NOL4L: variants seen among roughly 807,000 people sequenced by gnomAD.
NOL4L encodes the protein nucleolar protein 4 like.
A neutral mutation model predicts 64.5 loss-of-function variants in NOL4L; 7 were observed. The observed-to-expected ratio is 0.11, with a 90% confidence interval of 0.06 to 0.20. NOL4L has a LOEUF of 0.20. Ranked by LOEUF, NOL4L falls within the 10% of genes least tolerant of loss-of-function variation. The pLI is 1.00. For missense variants in NOL4L, 680 were observed against 967.1 expected, an observed-to-expected ratio of 0.70 and a Z score of 3.94; for synonymous variants, 413 against 401.0, an observed-to-expected ratio of 1.03 and a Z score of -0.36.
At chr20:32,580,322 C>G (rs1980388822) in intron 1 of NOL4L, among the ~76,000 whole-genome samples, 1 of 152,178 alleles carries the variant, frequency 6.6e-6, no homozygotes, top group African/African-American at 2.4e-5. Flanking sequence ...AGCCGCTATA[C>G]TGATAATTCA....
intron 4 of NOL4L, among the ~76,000 whole-genome samples, chr20:32,504,496 C>T (rs1389753197): frequency 6.7e-6 from 1 of 150,278 alleles, no homozygotes; most frequent in Non-Finnish European, 1.5e-5. Context: ...GGAGATGGAG[C>T]TTGCAGTGAG....
chr20:32,481,964 C>CGGGG (rs61641396), intron 4 of NOL4L, among the ~76,000 whole-genome samples: 4 of 27,954 alleles, frequency 1.4e-4, no homozygotes, highest in South Asian at 1.3e-3. Context: ...TGGGGCGGGG[C>CGGGG]GGGGGGGGGG....
intron 4 of NOL4L, among the ~76,000 whole-genome samples, chr20:32,496,458 A>G (rs116015499): frequency 0.021 from 3,166 of 152,098 alleles, 38 homozygotes; most frequent in African/African-American, 0.035. Flanking sequence ...TATCTGTCTC[A>G]TTCACTGTGG....
At chr20:32,564,126 C>T (rs998237147) in intron 1 of NOL4L, among the ~76,000 whole-genome samples, 29 of 152,224 alleles carry the variant, frequency 1.9e-4, no homozygotes, top group Non-Finnish European at 8.8e-5. Flanking sequence ...CGGCGGGCCC[C>T]AGGATGTCTG....
intron 1 of NOL4L, among the ~76,000 whole-genome samples, chr20:32,579,215 C>T (rs758207649): frequency 2.0e-5 from 3 of 152,204 alleles, no homozygotes; most frequent in Non-Finnish European, 4.4e-5. Flanking sequence ...CCGACAAACA[C>T]GCAGAGGAGC....
intron 4 of NOL4L, 167 bp downstream of exon 4, chr20:32,511,180 T>A: frequency 1.8e-6 from 1 of 545,224 alleles, no homozygotes; most frequent in East Asian, 3.0e-5. Context: ...GAGAAACACA[T>A]TCTTGCCTCC....
At chr20:32,481,439 G>A (rs1011985404) in intron 4 of NOL4L, among the ~76,000 whole-genome samples, 1 of 152,190 alleles carries the variant, frequency 6.6e-6, no homozygotes. Flanking sequence ...AGACAACACA[G>A]AAAAAGTTCT....
At chr20:32,567,561 C>G (rs1359231115) in intron 1 of NOL4L, among the ~76,000 whole-genome samples, 1 of 152,198 alleles carries the variant, frequency 6.6e-6, no homozygotes, top group Non-Finnish European at 1.5e-5. Context: ...TGTGCTGAGT[C>G]CCCCACAGAG....
Position 32,445,738 on chromosome 20 carries a change from G to T in NOL4L, c.*1858C>A. 6.5e-6 allele frequency: 1 copy of T among 153,046 alleles called. No homozygotes were observed. Among genetic ancestry groups the T allele is most frequent in the Non-Finnish European group, 1.5e-5 (1 of 68,662 alleles). 9.5% of individuals were successfully genotyped at this position (153,046 alleles called of 1,614,324 possible). A position where few individuals can be genotyped will look rare whatever the true frequency, so the allele number is the denominator to read the frequency against. On this transcript the variant is annotated 3_prime_UTR_variant, in exon 11 of 11. Transcript: ENST00000621426. ...GATGGAAGGCAGAGGTGGTGTGGCT[G>T]GATGGGGTATTGGAGGCCACTTGAG...
rs563080548 is a variant in NOL4L, at chr20:32,537,074, G to A, written c.322-9161C>T. On this transcript the variant is annotated intron_variant, in intron 1 of 10. Coordinates refer to ENST00000621426, the MANE Select transcript of NOL4L (RefSeq NM_001256798.2). The stretch of plus-strand genomic sequence containing the variant: ...CTGCCCTGCCCCGCCCCCCCGGGAC[G>A]CTGCCCACCTGTCCTTTGTGCAGGG... 3.7e-5 allele frequency: 36 copies of A among 984,726 alleles called. No homozygotes were observed. In the South Asian group the frequency reaches 1.6e-3, roughly 44 times the overall value. 61.0% of individuals were successfully genotyped at this position (984,726 alleles called of 1,614,324 possible).
At chr20:32,517,736 G>T (rs575884746) in intron 3 of NOL4L, among the ~76,000 whole-genome samples, 4 of 152,226 alleles carry the variant, frequency 2.6e-5, no homozygotes, top group Non-Finnish European at 5.9e-5. Flanking sequence ...TCTGGGCACC[G>T]TAGGCCACGA....
chr20:32,555,170 T>A (rs1476335556), intron 1 of NOL4L, among the ~76,000 whole-genome samples: 2 of 152,148 alleles, frequency 1.3e-5, no homozygotes, highest in Non-Finnish European at 2.9e-5. Flanking sequence ...TTTCCTGGTG[T>A]TACGTTAACT....
chr20:32,534,226 CCA>C (rs1229123670), intron 1 of NOL4L, among the ~76,000 whole-genome samples: 1 of 152,182 alleles, frequency 6.6e-6, no homozygotes, highest in African/African-American at 2.4e-5. Context: ...GAAGAAAAAA[CCA>C]CAGAGAAAGG....
At chr20:32,581,057 TC>T (rs1980439822) in intron 1 of NOL4L, among the ~76,000 whole-genome samples, 1 of 152,104 alleles carries the variant, frequency 6.6e-6, no homozygotes, top group South Asian at 2.1e-4. Context: ...AAATAATAAA[TC>T]CTCACCAGGC....
Position 32,527,870 on chromosome 20 carries a change from C to T in NOL4L, c.365G>A (p.Arg122Gln), listed in dbSNP as rs911229706. 14 of 1,550,596 alleles carry T rather than the reference C, an allele frequency of 9.0e-6. No homozygotes were observed. Among genetic ancestry groups the T allele is most frequent in the East Asian group, 2.4e-5 (1 of 40,912 alleles). The change falls in exon 2 of 11, where the codon CGG (arginine) becomes CAG (glutamine). Residue 122 changes from arginine to glutamine, a missense_variant. Physicochemically the swap from Arg to Gln is conservative, Grantham distance 43. Transcript: ENST00000621426. ...AAAGAAATCTTCCACCACAGCGACC[C>T]GCTTCAGAGAGATGCCCTCTGGCTC... ...LSEPEGISLK[R>Q]VAVVEDFFDI... is the part of the protein sequence containing the mutation.
At chr20:32,472,383 T>TG (rs1455347709) in intron 5 of NOL4L, among the ~76,000 whole-genome samples, 1 of 152,122 alleles carries the variant, frequency 6.6e-6, no homozygotes, top group African/African-American at 2.4e-5. Flanking sequence ...TCAGTGGGGT[T>TG]GGGGGGCTTC....
In NOL4L at chr20:32,465,314, G is replaced by A. The variant is rs187432731; in HGVS notation, c.842-8919C>T. On this transcript the variant is annotated intron_variant, in intron 5 of 10. Transcript: ENST00000621426. ...GGGATGAGTGGAGGCGCCCAGACAG[G>A]CCCCAAAGCACCACCCAGGCCGCCC... is the stretch of plus-strand genomic sequence containing the variant. Among the ~76,000 whole-genome samples, 86 of 151,074 alleles carry A rather than the reference G, an allele frequency of 5.7e-4. No homozygotes were observed. The South Asian group carries it at 6.8e-3, about 12-fold the overall frequency.
At chr20:32,569,323 G>T (rs1036189873) in intron 1 of NOL4L, among the ~76,000 whole-genome samples, 3 of 152,198 alleles carry the variant, frequency 2.0e-5, no homozygotes, top group Non-Finnish European at 4.4e-5. Flanking sequence ...GCAGGTCATG[G>T]TGACTTTTGC....
chr20:32,563,312 G>A lies in NOL4L; in HGVS notation c.321+21258C>T, dbSNP rs1325358438. Among the ~76,000 whole-genome samples the A allele has an allele frequency of 1.3e-4, 19 of 144,220 alleles. No individual in the cohort carries two copies. In the South Asian group the frequency reaches 4.3e-3, roughly 32 times the overall value. The allele number at this position is 144,220 out of a possible 152,430, so 94.6% of individuals were successfully genotyped here. A position where few individuals can be genotyped will look rare whatever the true frequency, so the allele number is the denominator to read the frequency against. The stretch of plus-strand genomic sequence containing the variant: ...GAGTGGGGAGGGAGGGTAGAGAACA[G>A]GGAGGGTGAAGGGGAGGGAGGGAGC... On this transcript the variant is annotated intron_variant, in intron 1 of 10. Transcript: ENST00000621426.
Sources: gnomAD v4.1 joint callset for allele counts (sites outside exome capture counted in the v4.1 genomes callset) on GRCh38, gnomAD v4.1.1 for gene constraint, MANE v1.5 for transcripts, NCBI Gene and HGNC (gene_info 2026-07-23, HGNC 2026-07-21) for gene names.